TAFA2: variants seen among roughly 807,000 people sequenced by gnomAD.
TAFA2 encodes chemokine-like protein TAFA-2.
In TAFA2, 7 loss-of-function variants were observed where a neutral mutation model predicts 18.8. That is an observed-to-expected ratio of 0.37 (90% CI 0.21 to 0.70). The LOEUF (loss-of-function observed/expected upper bound fraction) is 0.70, where lower values mean the gene tolerates loss of function less well. Ranked by LOEUF, TAFA2 falls within the 30% of genes least tolerant of loss-of-function variation. The pLI is 0.53. For synonymous variants in TAFA2, 60 were observed against 54.2 expected, an observed-to-expected ratio of 1.11 and a Z score of -0.47; for missense variants, 122 against 158.1, an observed-to-expected ratio of 0.77 and a Z score of 1.23.
At chr12:62,146,660 C>G (rs1447098681) in intron 1 of TAFA2, among the ~76,000 whole-genome samples, 1 of 152,066 alleles carries the variant, frequency 6.6e-6, no homozygotes, top group African/African-American at 2.4e-5. Flanking sequence ...ATTTTGATAT[C>G]TAGTCCCTGT....
intron 1 of TAFA2, among the ~76,000 whole-genome samples, chr12:61,992,548 T>C (rs1880047517): frequency 6.6e-6 from 1 of 152,172 alleles, no homozygotes; most frequent in South Asian, 2.1e-4. Context: ...AGTGAGCCTT[T>C]GATATAAGTC....
chr12:61,894,173 G>A (rs945753102), intron 1 of TAFA2, among the ~76,000 whole-genome samples: 1 of 152,172 alleles, frequency 6.6e-6, no homozygotes, highest in African/African-American at 2.4e-5. Context: ...TATTTTTCAT[G>A]AATATGGGAA....
chr12:62,208,996 T>C (rs966552296), intron 1 of TAFA2, among the ~76,000 whole-genome samples: 1 of 152,218 alleles, frequency 6.6e-6, no homozygotes, highest in African/African-American at 2.4e-5. Context: ...CTGCCTGGTT[T>C]ACTAGATTAA....
chr12:61,969,879 G>C (rs904280886), intron 1 of TAFA2, among the ~76,000 whole-genome samples: 1 of 151,566 alleles, frequency 6.6e-6, no homozygotes, highest in Admixed American at 6.6e-5. Context: ...ATACAAAAAA[G>C]AAAGTTGCAA....
intron 1 of TAFA2, among the ~76,000 whole-genome samples, chr12:62,108,038 G>A (rs768137892): frequency 6.6e-6 from 1 of 151,982 alleles, no homozygotes; most frequent in Non-Finnish European, 1.5e-5. Context: ...TGCAGAACGT[G>A]CAGGTTTCTT....
chr12:62,220,627 C>A (rs916231995), intron 1 of TAFA2, among the ~76,000 whole-genome samples: 1 of 152,170 alleles, frequency 6.6e-6, no homozygotes, highest in Admixed American at 6.5e-5. Context: ...AGTTCATTGA[C>A]TGTAACAAAT....
intron 1 of TAFA2, among the ~76,000 whole-genome samples, chr12:62,167,054 G>A (rs918739881): frequency 1.3e-5 from 2 of 151,654 alleles, no homozygotes; most frequent in South Asian, 2.1e-4. Context: ...AATGATCTCC[G>A]AAAACACTAA....
intron 2 of TAFA2, among the ~76,000 whole-genome samples, chr12:61,773,569 T>C (rs984211330): frequency 2.6e-5 from 4 of 151,964 alleles, no homozygotes; most frequent in Non-Finnish European, 5.9e-5. Flanking sequence ...TAGAGTCAAG[T>C]GATCTTTGAG....
chr12:61,941,720 C>T (rs1400309682), intron 1 of TAFA2, among the ~76,000 whole-genome samples: 1 of 152,210 alleles, frequency 6.6e-6, no homozygotes, highest in African/African-American at 2.4e-5. Flanking sequence ...GGGTCACTCC[C>T]ACCCGAATAT....
At chr12:62,078,017 C>T (rs1868263925) in intron 1 of TAFA2, among the ~76,000 whole-genome samples, 1 of 152,204 alleles carries the variant, frequency 6.6e-6, no homozygotes, top group Non-Finnish European at 1.5e-5. Context: ...ACATTCTCCC[C>T]TAAATGAGTG....
chr12:62,014,506 C>G lies in TAFA2; in HGVS notation c.-1-147080G>C, dbSNP rs112950229. Among the ~76,000 whole-genome samples the G allele has an allele frequency of 4.3e-3, 656 of 152,206 alleles. 3 individuals carry two copies. The highest frequency in any genetic ancestry group is 0.015 in the African/African-American group (619 of 41,530). Reference sequence around the variant, plus strand: ...AATTAGCCGGGCATATTGGTGCATACCTGCAGTTCCAGCTAGTCAGAGGGC... The same window carrying G: ...AATTAGCCGGGCATATTGGTGCATAGCTGCAGTTCCAGCTAGTCAGAGGGC... On this transcript the variant is annotated intron_variant, in intron 1 of 4. Coordinates refer to ENST00000416284, the MANE Select transcript of TAFA2 (RefSeq NM_178539.5).
At chr12:61,979,030 G>C (rs1258284213) in intron 1 of TAFA2, among the ~76,000 whole-genome samples, 2 of 152,012 alleles carry the variant, frequency 1.3e-5, no homozygotes, top group East Asian at 3.9e-4. Context: ...GGAATAATAC[G>C]CATTGCTTCT....
chr12:62,179,291 T>C lies in TAFA2; in HGVS notation c.-2+11968A>G, dbSNP rs941443426. Reference sequence around the variant, plus strand: ...AGAATTTCACATTCTAGGGAGGAAGTCGACAGAAAGGACAATGACCAAGAT... The same window carrying C: ...AGAATTTCACATTCTAGGGAGGAAGCCGACAGAAAGGACAATGACCAAGAT... On this transcript the variant is annotated intron_variant, in intron 1 of 4. Coordinates refer to ENST00000416284, the MANE Select transcript of TAFA2 (RefSeq NM_178539.5). Among the ~76,000 whole-genome samples the C allele has an allele frequency of 2.0e-5, 3 of 152,276 alleles. No individual in the cohort carries two copies. In the South Asian group the frequency reaches 6.2e-4, roughly 32 times the overall value.
chr12:61,899,736 A>C lies in TAFA2; in HGVS notation c.-1-32310T>G, dbSNP rs77945278. 1.8e-3 allele frequency among the ~76,000 whole-genome samples: 267 copies of C among 152,320 alleles called. 1 individual carries two copies. The highest frequency in any genetic ancestry group is 6.2e-3 in the African/African-American group (259 of 41,568). On this transcript the variant is annotated intron_variant, in intron 1 of 4. Coordinates refer to ENST00000416284, the MANE Select transcript of TAFA2 (RefSeq NM_178539.5). The stretch of plus-strand genomic sequence containing the variant: ...GGATTCATCCAACCGTGGATCAAAA[A>C]TATTCAAAAAATTAAAAACTTCACC...
intron 1 of TAFA2, among the ~76,000 whole-genome samples, chr12:62,203,560 C>G (rs1249151831): frequency 6.6e-6 from 1 of 152,196 alleles, no homozygotes; most frequent in African/African-American, 2.4e-5. Context: ...GTTAGCTCTT[C>G]TTGTTGAATT....
At chr12:61,812,572 T>G (rs1871918315) in intron 2 of TAFA2, among the ~76,000 whole-genome samples, 1 of 144,512 alleles carries the variant, frequency 6.9e-6, no homozygotes, top group African/African-American at 2.6e-5. Context: ...GTTCCCATCT[T>G]TTTTTTTTTT....
chr12:62,128,857 G>A (rs1920101), intron 1 of TAFA2, among the ~76,000 whole-genome samples: 29,793 of 152,028 alleles, frequency 0.2, 3,117 homozygotes, highest in East Asian at 0.36. Context: ...AGTTTCTATT[G>A]TGTAAGTCTG....
At chr12:62,090,801 C>G (rs144815080) in intron 1 of TAFA2, among the ~76,000 whole-genome samples, 1 of 152,156 alleles carries the variant, frequency 6.6e-6, no homozygotes, top group East Asian at 1.9e-4. Flanking sequence ...AAGTATCTCT[C>G]TTCTTTGGTT....
rs112112121 is a variant in TAFA2 at position 62,114,278 on chromosome 12, G to T, written c.-2+76981C>A. On this transcript the variant is annotated intron_variant, in intron 1 of 4. Coordinates refer to ENST00000416284, the MANE Select transcript of TAFA2 (RefSeq NM_178539.5). ...TGACCCCTTGTGCTTCCCAGGTAAG[G>T]TGATGCCCCACCCTGCTTTGGCTCG... 7.9e-3 allele frequency among the ~76,000 whole-genome samples: 1,207 copies of T among 152,230 alleles called. 18 individuals are homozygous for T. The highest frequency in any genetic ancestry group is 0.028 in the African/African-American group (1,143 of 41,538).
Sources: allele counts gnomAD v4.1 joint callset (sites outside exome capture counted in the v4.1 genomes callset), GRCh38; gene constraint gnomAD v4.1.1; transcripts MANE v1.5; gene names NCBI Gene and HGNC (gene_info 2026-07-23, HGNC 2026-07-21).